The following STX16 variants were observed in gnomAD, a reference collection of about 807,000 sequenced individuals.
The protein encoded by STX16 is syntaxin-16.
In STX16, 28 loss-of-function variants were observed where a neutral mutation model predicts 42.7. The ratio of observed to expected loss-of-function variants is 0.66; its 90% CI spans 0.49 to 0.90. The LOEUF (loss-of-function observed/expected upper bound fraction) is 0.90, where lower values mean the gene tolerates loss of function less well. STX16 is among the 40% of genes least tolerant of loss of function. The pLI is 0.00. For synonymous variants in STX16, 156 were observed against 155.2 expected (o/e 1.00, Z -0.04); for missense variants, 361 against 420.9 (o/e 0.86, Z 1.24).
At chr20:58,671,727 A>G (rs1277848765) in intron 7 of STX16, among the ~76,000 whole-genome samples, 1 of 152,098 alleles carries the variant, frequency 6.6e-6, no homozygotes, top group African/African-American at 2.4e-5. Context: ...TAATCATAGT[A>G]CCATCCTCAT....
chr20:58,667,649 A>G (rs1253841976), intron 3 of STX16, 52 bp downstream of exon 3: 4 of 1,478,972 alleles, frequency 2.7e-6, no homozygotes. Context: ...TAATTATGAC[A>G]ATGTATTTTA....
Position 58,679,288 on chromosome 20 carries a change from G to T in STX16, c.*2997G>T, listed in dbSNP as rs1240372889. 3 of 152,602 alleles carry T rather than the reference G, an allele frequency of 2.0e-5. No homozygotes were observed. The highest frequency in any genetic ancestry group is 4.4e-5 in the Non-Finnish European group (3 of 68,032). The allele number at this position is 152,602 out of a possible 1,614,324, so 9.5% of individuals were successfully genotyped here. A position where few individuals can be genotyped will look rare whatever the true frequency, so the allele number is the denominator to read the frequency against. Reference sequence around the variant, plus strand: ...ATTATTTATTTGTTTTGACACAAGTGCTTTCAGTGTTTTATCCTAGCTAAT... The same window carrying T: ...ATTATTTATTTGTTTTGACACAAGTTCTTTCAGTGTTTTATCCTAGCTAAT... On this transcript the variant is annotated 3_prime_UTR_variant, in exon 9 of 9. Coordinates refer to ENST00000371141, the MANE Select transcript of STX16 (RefSeq NM_001001433.3).
At chr20:58,663,584 C>G (rs2083750266) in intron 2 of STX16, among the ~76,000 whole-genome samples, 1 of 151,876 alleles carries the variant, frequency 6.6e-6, no homozygotes, top group African/African-American at 2.4e-5. Context: ...AACTACATAT[C>G]AAAGAGGCAA....
At chr20:58,666,903 A>G (rs957715302) in intron 2 of STX16, among the ~76,000 whole-genome samples, 1 of 152,270 alleles carries the variant, frequency 6.6e-6, no homozygotes, top group Non-Finnish European at 1.5e-5. Flanking sequence ...CTTTTGCCAA[A>G]TGGTAGATAA....
intron 7 of STX16, among the ~76,000 whole-genome samples, chr20:58,672,950 A>G (rs2084015791): frequency 6.6e-6 from 1 of 152,228 alleles, no homozygotes; most frequent in Non-Finnish European, 1.5e-5. Flanking sequence ...ATCCAGTTAC[A>G]TTAATTACTC....
chr20:58,671,178 C>T lies in STX16; in HGVS notation c.673C>T (p.Leu225=). The change falls in exon 7 of 9, where the codon CTG becomes TTG. Residue 225 remains leucine, a synonymous_variant. Coordinates refer to ENST00000371141, the MANE Select transcript of STX16 (RefSeq NM_001001433.3). ...HRGFTEDQLV[L]VEQNTLMVEE... ...GGGTTTTACAGAGGACCAGTTAGTT[C>T]TGGTGGAGCAGAACACACTGATGGT... is the stretch of plus-strand genomic sequence containing the variant. 6.2e-7 allele frequency: 1 copy of T among 1,613,976 alleles called. No homozygotes were observed. The highest frequency in any genetic ancestry group is 1.1e-5 in the South Asian group (1 of 91,058).
rs1275418805 is a variant in STX16 at position 58,679,106 on chromosome 20, T to TCCCG, written c.*2817_*2818insCGCC. On this transcript the variant is annotated 3_prime_UTR_variant, in exon 9 of 9. Transcript: ENST00000371141. ...ATGTTTACCACGCGTTTTCCAAAGC[T>TCCCG]CCTGATCTTTCCCAAGATTGTAACT... The TCCCG allele has an allele frequency of 2.0e-5, 3 of 152,210 alleles. No individual in the cohort carries two copies. Among genetic ancestry groups the TCCCG allele is most frequent in the African/African-American group, 7.2e-5 (3 of 41,430 alleles). 9.4% of individuals were successfully genotyped at this position (152,210 alleles called of 1,614,324 possible). A position where few individuals can be genotyped will look rare whatever the true frequency, so the allele number is the denominator to read the frequency against.
intron 2 of STX16, 92 bp downstream of exon 2, chr20:58,659,726 A>C: frequency 7.5e-7 from 1 of 1,331,244 alleles, no homozygotes; most frequent in South Asian, 1.2e-5. Context: ...ATAAAATGCT[A>C]ACAGCTTATA....
Position 58,660,713 on chromosome 20 carries a change from C to CTTTT in STX16, c.144+1102_144+1105dup, listed in dbSNP as rs10706096. Among the ~76,000 whole-genome samples the CTTTT allele has an allele frequency of 1.3e-3, 93 of 70,742 alleles. 7 individuals are homozygous for CTTTT. The highest frequency in any genetic ancestry group is 3.9e-3 in the East Asian group (7 of 1,814). 46.4% of individuals were successfully genotyped at this position (70,742 alleles called of 152,430 possible). ...AGCATGGATAATATGATTCCTGCTC[C>CTTTT]TTTTTTTTTTTTTTTTTTTTTTTTT... On this transcript the variant is annotated intron_variant, in intron 2 of 8. Transcript: ENST00000371141.
At chr20:58,664,193 T>A (rs1048479422) in intron 2 of STX16, among the ~76,000 whole-genome samples, 10 of 152,240 alleles carry the variant, frequency 6.6e-5, no homozygotes, top group Non-Finnish European at 1.5e-5. Context: ...ATGTTGCACA[T>A]AAAATTTGTT....
intron 5 of STX16, 73 bp downstream of exon 5, chr20:58,669,526 T>G (rs1038272257): frequency 1.3e-6 from 2 of 1,509,202 alleles, no homozygotes; most frequent in Admixed American, 2.6e-5. Context: ...TTTGCCACTA[T>G]TTTTTCATTT....
At chr20:58,662,262 G>C (rs2083717973) in intron 2 of STX16, among the ~76,000 whole-genome samples, 1 of 152,250 alleles carries the variant, frequency 6.6e-6, no homozygotes, top group South Asian at 2.1e-4. Flanking sequence ...CCGGGCCCCA[G>C]TGTCCATGTT....
chr20:58,665,686 G>A (rs1376174281), intron 2 of STX16, among the ~76,000 whole-genome samples: 1 of 152,170 alleles, frequency 6.6e-6, no homozygotes, highest in Non-Finnish European at 1.5e-5. Flanking sequence ...CGGCCCGGGA[G>A]CCCCAGACAG....
intron 5 of STX16, among the ~76,000 whole-genome samples, chr20:58,670,090 A>G (rs1214268580): frequency 6.6e-6 from 1 of 152,210 alleles, no homozygotes; most frequent in African/African-American, 2.4e-5. Context: ...CAACTGGCAT[A>G]TTTGTATTTT....
intron 4 of STX16, among the ~76,000 whole-genome samples, chr20:58,668,807 T>A (rs1290090857): frequency 6.6e-6 from 1 of 152,048 alleles, no homozygotes; most frequent in Non-Finnish European, 1.5e-5. Context: ...AATAATATGA[T>A]ATATGATAAT....
At chr20:58,652,379 C>CCG (rs1555838402) in intron 1 of STX16, 9 of 588,274 alleles carry the variant, frequency 1.5e-5, no homozygotes, top group African/African-American at 3.8e-5. Flanking sequence ...GCACCCCCCC[C>CCG]CCCGCACCCC....
At chr20:58,667,777 T>C (rs1310061356) in intron 3 of STX16, among the ~76,000 whole-genome samples, 180 bp downstream of exon 3, 1 of 152,254 alleles carries the variant, frequency 6.6e-6, no homozygotes, top group Non-Finnish European at 1.5e-5. Context: ...GTTTTAACAT[T>C]GGTAGTAACT....
chr20:58,651,975 G>A lies in STX16; in HGVS notation c.-32G>A, dbSNP rs1568808010. 2 of 1,610,282 alleles carry A rather than the reference G, an allele frequency of 1.2e-6. No individual in the cohort carries two copies. Among genetic ancestry groups the A allele is most frequent in the South Asian group, 2.2e-5 (2 of 90,986 alleles). ...AATCAGGAATATAAGTGGGCGGGGG[G>A]CCCCTGAGAGGGGGGTCGCAAAGGG... On this transcript the variant is annotated 5_prime_UTR_variant, in exon 1 of 9. Coordinates refer to ENST00000371141, the MANE Select transcript of STX16 (RefSeq NM_001001433.3).
Position 58,676,204 on chromosome 20 carries a change from G to A in STX16, c.891G>A (p.Lys297=). Reference sequence around the variant, plus strand: ...TTTTGTAGGCAGAACAGTATCAAAAGAAGAATCGGAAGATGCTTGTGATTT... The same window carrying A: ...TTTTGTAGGCAGAACAGTATCAAAAAAAGAATCGGAAGATGCTTGTGATTT... ...KQLHKAEQYQ[K]KNRKMLVILI... Residue 297 remains lysine (K), a synonymous_variant, in exon 9 of 9, where the codon AAG becomes AAA. Coordinates refer to ENST00000371141, the MANE Select transcript of STX16 (RefSeq NM_001001433.3). 1.2e-6 allele frequency: 2 copies of A among 1,614,106 alleles called. No homozygotes were observed. Among genetic ancestry groups the A allele is most frequent in the Non-Finnish European group, 1.7e-6 (2 of 1,179,928 alleles).
Sources: allele counts gnomAD v4.1 joint callset (sites outside exome capture counted in the v4.1 genomes callset), GRCh38; gene constraint gnomAD v4.1.1; transcripts MANE v1.5; gene names NCBI Gene and HGNC (gene_info 2026-07-23, HGNC 2026-07-21).